PDGFC: variants seen among roughly 807,000 people sequenced by gnomAD.
PDGFC encodes platelet-derived growth factor C.
PDGFC carries 12 observed loss-of-function variants against 35.5 expected under a neutral mutation model. The observed-to-expected ratio is 0.34, with a 90% CI of 0.22 to 0.55. The LOEUF is 0.55. Among genes scored for constraint, PDGFC ranks in the 20% least tolerant of loss-of-function variants. The probability of loss-of-function intolerance (pLI) is 0.91; values close to 1 mark genes in which losing one functional copy is unlikely to be tolerated. For synonymous variants in PDGFC, 159 were observed against 148.8 expected, an observed-to-expected ratio of 1.07 and a Z score of -0.50; for missense variants, 322 against 412.4, an observed-to-expected ratio of 0.78 and a Z score of 1.90.
rs1370108776 is a variant in PDGFC, at chr4:156,762,803, A to G, written c.*287T>C. 1 of 279,498 alleles carries G rather than the reference A, an allele frequency of 3.6e-6. No individual in the cohort carries two copies. Among genetic ancestry groups the G allele is most frequent in the Non-Finnish European group, 6.8e-6 (1 of 146,158 alleles). The allele number at this position is 279,498 out of a possible 1,614,324, so 17.3% of individuals were successfully genotyped here. On this transcript the variant is annotated 3_prime_UTR_variant, in exon 6 of 6. Coordinates refer to ENST00000502773, the MANE Select transcript of PDGFC (RefSeq NM_016205.3). The stretch of plus-strand genomic sequence containing the variant: ...AGAACCCAGCTAGTGGAATACGTAC[A>G]TGGTAACTCTGAAACTAGCTGGTGA...
chr4:156,843,984 T>C (rs1325135562), intron 2 of PDGFC, among the ~76,000 whole-genome samples: 1 of 152,198 alleles, frequency 6.6e-6, no homozygotes, highest in Non-Finnish European at 1.5e-5. Context: ...TTGCTATTTC[T>C]GCTTCTTCTA....
intron 1 of PDGFC, among the ~76,000 whole-genome samples, chr4:156,875,698 A>T (rs1730098948): frequency 6.6e-6 from 1 of 152,174 alleles, no homozygotes; most frequent in Non-Finnish European, 1.5e-5. Flanking sequence ...TGGGCAGATC[A>T]CTTGAGGTCA....
At chr4:156,882,726 C>T (rs545310516) in intron 1 of PDGFC, among the ~76,000 whole-genome samples, 11 of 152,132 alleles carry the variant, frequency 7.2e-5, no homozygotes, top group East Asian at 5.8e-4. Flanking sequence ...ATTTTAAGCA[C>T]AAGTTTGAGT....
At chr4:156,868,529 C>A (rs1227095356) in intron 1 of PDGFC, among the ~76,000 whole-genome samples, 1 of 152,098 alleles carries the variant, frequency 6.6e-6, no homozygotes, top group Non-Finnish European at 1.5e-5. Flanking sequence ...TAGGAAAACC[C>A]AAAGAGGATA....
Position 156,810,904 on chromosome 4 carries a change from C to T in PDGFC, c.428G>A (p.Arg143Lys), listed in dbSNP as rs1467376775. ...AGGAAAATATTCATCAGATACAAAT[C>T]TTATCCTAATTTGATTTCCTTTAGA... is the stretch of plus-strand genomic sequence containing the variant. ...QISKGNQIRI[R>K]FVSDEYFPSE... The change falls in exon 3 of 6, where the codon AGA becomes AAA. Residue 143 changes from arginine to lysine, a missense_variant. Arg to Lys is a conservative substitution (Grantham distance 26). Transcript: ENST00000502773. 40 of 1,608,552 alleles carry T rather than the reference C, an allele frequency of 2.5e-5. No homozygotes were observed. The highest frequency in any genetic ancestry group is 3.3e-5 in the Non-Finnish European group (39 of 1,175,560).
intron 1 of PDGFC, among the ~76,000 whole-genome samples, chr4:156,853,085 C>T (rs1462205978): frequency 1.3e-5 from 2 of 152,196 alleles, no homozygotes; most frequent in African/African-American, 2.4e-5. Context: ...TTTTAAACTG[C>T]TAAATTTGTA....
At chr4:156,796,470 C>T (rs932846910) in intron 3 of PDGFC, among the ~76,000 whole-genome samples, 3 of 144,618 alleles carry the variant, frequency 2.1e-5, no homozygotes, top group Non-Finnish European at 4.5e-5. Flanking sequence ...ATTAGGCGGA[C>T]AGTATACAGG....
chr4:156,827,799 G>A (rs1303888504), intron 2 of PDGFC, among the ~76,000 whole-genome samples: 1 of 150,640 alleles, frequency 6.6e-6, no homozygotes, highest in African/African-American at 2.5e-5. Context: ...ATACAGCACT[G>A]TTATCACCAA....
chr4:156,777,007 C>A, intron 3 of PDGFC, among the ~76,000 whole-genome samples: 1 of 152,104 alleles, frequency 6.6e-6, no homozygotes, highest in East Asian at 1.9e-4. Flanking sequence ...ATATAATAAA[C>A]AACTTAGTAA....
At chr4:156,946,297 A>C (rs1312629725) in intron 1 of PDGFC, among the ~76,000 whole-genome samples, 1 of 152,126 alleles carries the variant, frequency 6.6e-6, no homozygotes, top group Non-Finnish European at 1.5e-5. Flanking sequence ...AGGCAAAAAT[A>C]ATAGCTTTGG....
At chr4:156,765,032 T>C (rs1436679229) in intron 5 of PDGFC, among the ~76,000 whole-genome samples, 1 of 152,232 alleles carries the variant, frequency 6.6e-6, no homozygotes, top group Non-Finnish European at 1.5e-5. Flanking sequence ...TCCTCTAGCA[T>C]GCATATGCCA....
At chr4:156,951,975 C>A (rs2110940546) in intron 1 of PDGFC, among the ~76,000 whole-genome samples, 1 of 151,670 alleles carries the variant, frequency 6.6e-6, no homozygotes, top group Admixed American at 6.6e-5. Context: ...CTTTCTTCCC[C>A]AAAATTAGGG....
At chr4:156,869,059 G>C (rs1295245204) in intron 1 of PDGFC, among the ~76,000 whole-genome samples, 1 of 152,090 alleles carries the variant, frequency 6.6e-6, no homozygotes, top group African/African-American at 2.4e-5. Context: ...TTCACTGCCA[G>C]TAAGCCTCAA....
chr4:156,831,147 A>G (rs148006221), intron 2 of PDGFC, among the ~76,000 whole-genome samples: 32 of 152,292 alleles, frequency 2.1e-4, no homozygotes, highest in African/African-American at 7.5e-4. Context: ...GCACATACAT[A>G]ATAGAGTAAC....
At chr4:156,906,744 G>A (rs909051669) in intron 1 of PDGFC, among the ~76,000 whole-genome samples, 6 of 152,086 alleles carry the variant, frequency 3.9e-5, no homozygotes, top group African/African-American at 1.4e-4. Context: ...TTAGGTTTCT[G>A]GCTACTCTAG....
intron 1 of PDGFC, among the ~76,000 whole-genome samples, chr4:156,911,649 G>A (rs779382644): frequency 1.3e-5 from 2 of 151,974 alleles, no homozygotes; most frequent in African/African-American, 4.8e-5. Flanking sequence ...AAATTCTGAG[G>A]AATAGAGAAG....
At chr4:156,850,124 C>A in intron 2 of PDGFC, 97 bp downstream of exon 2, 1 of 602,276 alleles carries the variant, frequency 1.7e-6, no homozygotes, top group Non-Finnish European at 2.7e-6. Flanking sequence ...AAAAATAAAA[C>A]AAAAGATGTC....
intron 2 of PDGFC, among the ~76,000 whole-genome samples, chr4:156,846,122 C>T (rs771156015): frequency 6.6e-6 from 1 of 151,684 alleles, no homozygotes; most frequent in African/African-American, 2.4e-5. Context: ...TAAAAGTGGA[C>T]TCATAAATGG....
chr4:156,902,465 T>C (rs1168950533), intron 1 of PDGFC, among the ~76,000 whole-genome samples: 2 of 152,178 alleles, frequency 1.3e-5, no homozygotes, highest in Non-Finnish European at 2.9e-5. Context: ...GTATTGCATG[T>C]TTTTATGTTA....
Sources: gnomAD v4.1 joint callset for allele counts (sites outside exome capture counted in the v4.1 genomes callset) on GRCh38, gnomAD v4.1.1 for gene constraint, MANE v1.5 for transcripts, NCBI Gene and HGNC (gene_info 2026-07-23, HGNC 2026-07-21) for gene names.